The following INPP4A variants were observed in gnomAD, a reference collection of about 807,000 sequenced individuals.
INPP4A encodes inositol polyphosphate-4-phosphatase, type I, 107kD.
A neutral mutation model predicts 119.8 loss-of-function variants in INPP4A; 33 were observed. The ratio of observed to expected loss-of-function variants is 0.28; its 90% CI spans 0.21 to 0.37. INPP4A has a LOEUF of 0.37. Among genes scored for constraint, INPP4A ranks in the 10% least tolerant of loss-of-function variants. The pLI, the probability that INPP4A is intolerant of heterozygous loss-of-function variation, is 1.00. For synonymous variants in INPP4A, 496 were observed against 500.7 expected, an observed-to-expected ratio of 0.99 and a Z score of 0.12; for missense variants, 956 against 1,289.9, an observed-to-expected ratio of 0.74 and a Z score of 3.97.
chr2:98,445,582 C>G (rs1397332903), intron 1 of INPP4A, among the ~76,000 whole-genome samples: 1 of 152,254 alleles, frequency 6.6e-6, no homozygotes, highest in African/African-American at 2.4e-5. Flanking sequence ...TTATTTCTCT[C>G]TGGCTTTGCT....
Position 98,554,546 on chromosome 2 carries a change from A to T in INPP4A, c.1566+57A>T. On this transcript the variant is annotated intron_variant, in intron 15 of 24. Coordinates refer to ENST00000409851, the MANE Select transcript of INPP4A (RefSeq NM_001134225.2). This position sits in a 1 kb window ranked among gnomAD's most constrained non-coding sequence, Gnocchi z 4.7. Reference sequence around the variant, plus strand: ...GCTGAACTTGGGCTGAAAACCACAAAACCTGTTGCCAGTCTCTGCCCCTCT... The same window carrying T: ...GCTGAACTTGGGCTGAAAACCACAATACCTGTTGCCAGTCTCTGCCCCTCT... 1 of 1,481,930 alleles carries T rather than the reference A, an allele frequency of 6.7e-7. No homozygotes were observed. The highest frequency in any genetic ancestry group is 1.9e-5 in the Admixed American group (1 of 53,638). The allele number at this position is 1,481,930 out of a possible 1,614,324, so 91.8% of individuals were successfully genotyped here.
Position 98,594,071 on chromosome 2 carries a change from G to A in INPP4A, c.*6463G>A, listed in dbSNP as rs1431206176. 2.6e-5 allele frequency: 4 copies of A among 152,242 alleles called. No individual in the cohort carries two copies. Among genetic ancestry groups the A allele is most frequent in the African/African-American group, 9.6e-5 (4 of 41,454 alleles). The allele number at this position is 152,242 out of a possible 1,614,324, so 9.4% of individuals were successfully genotyped here. A position where few individuals can be genotyped will look rare whatever the true frequency, so the allele number is the denominator to read the frequency against. On this transcript the variant is annotated 3_prime_UTR_variant, in exon 25 of 25. Transcript: ENST00000409851. ...TGAATAAACACATGAACAAATGGTG[G>A]TTTTGTGGTGTTCAACTGAAATATT...
At chr2:98,484,661 C>G (rs1190794875) in intron 1 of INPP4A, among the ~76,000 whole-genome samples, 6 of 152,226 alleles carry the variant, frequency 3.9e-5, no homozygotes, top group Admixed American at 3.9e-4. Flanking sequence ...AGGAAGAAAA[C>G]CAGAAAAGCA....
At chr2:98,510,757 G>A (rs928113859) in intron 1 of INPP4A, among the ~76,000 whole-genome samples, 4 of 152,196 alleles carry the variant, frequency 2.6e-5, no homozygotes, top group Non-Finnish European at 5.9e-5. Flanking sequence ...GTAGCACAGT[G>A]ACTGACTCCC....
intron 24 of INPP4A, chr2:98,581,462 CTT>C: frequency 2.9e-6 from 3 of 1,031,780 alleles, no homozygotes; most frequent in Non-Finnish European, 4.0e-6. Context: ...TTTTGTTTCT[CTT>C]GTTTATCCCA....
At chr2:98,553,254 ATACAG>A (rs1693861653) in intron 14 of INPP4A, among the ~76,000 whole-genome samples, 1 of 151,758 alleles carries the variant, frequency 6.6e-6, no homozygotes, top group Non-Finnish European at 1.5e-5. Flanking sequence ...GTTGAGGGTG[ATACAG>A]TTCCACTTCT....
chr2:98,587,700 G>T lies in INPP4A; in HGVS notation c.*92G>T. On this transcript the variant is annotated 3_prime_UTR_variant, in exon 25 of 25. Transcript: ENST00000409851. Reference sequence around the variant, plus strand: ...TTCTTCAAGAAGACCTGAAGGATTGGTTTTTATTTTTTGTGGTTTTTTTAA... The same window carrying T: ...TTCTTCAAGAAGACCTGAAGGATTGTTTTTTATTTTTTGTGGTTTTTTTAA... 1.9e-6 allele frequency: 2 copies of T among 1,050,672 alleles called. No homozygotes were observed. The highest frequency in any genetic ancestry group is 3.5e-5 in the South Asian group (2 of 57,378). The allele number at this position is 1,050,672 out of a possible 1,614,324, so 65.1% of individuals were successfully genotyped here.
At chr2:98,448,046 CAAAAAAAAAA>C in intron 1 of INPP4A, among the ~76,000 whole-genome samples, 1 of 64,202 alleles carries the variant, frequency 1.6e-5, no homozygotes, top group Non-Finnish European at 3.1e-5. Context: ...GACTCTGTCT[CAAAAAAAAAA>C]AAAAAAAAAA....
At position 98,475,164 on chromosome 2, in the gene INPP4A, G is replaced by A. The variant is rs1323705762; in HGVS notation, c.-166+30079G>A. ...CAGGAGGGGCACTCTTAAGTGGAGCGGACAGCTGAGCAAAGGCATAGAGAG... is the reference window on the plus strand; with the variant it reads ...CAGGAGGGGCACTCTTAAGTGGAGCAGACAGCTGAGCAAAGGCATAGAGAG... On this transcript the variant is annotated intron_variant, in intron 1 of 24. Transcript: ENST00000409851. 2.6e-5 allele frequency among the ~76,000 whole-genome samples: 4 copies of A among 152,082 alleles called. No individual in the cohort carries two copies. The East Asian group carries it at 7.7e-4, about 29-fold the overall frequency.
chr2:98,482,266 T>A (rs1208649320), intron 1 of INPP4A, among the ~76,000 whole-genome samples: 2 of 152,242 alleles, frequency 1.3e-5, no homozygotes, highest in Non-Finnish European at 2.9e-5. Context: ...GTTCCCACAT[T>A]ATTGGGCTGA....
chr2:98,590,158 G>A lies in INPP4A; in HGVS notation c.*2550G>A, dbSNP rs991242391. The A allele has an allele frequency of 1.0e-5, 2 of 200,896 alleles. No homozygotes were observed. Among genetic ancestry groups the A allele is most frequent in the African/African-American group, 4.6e-5 (2 of 43,546 alleles). The allele number at this position is 200,896 out of a possible 1,614,324, so 12.4% of individuals were successfully genotyped here. On this transcript the variant is annotated 3_prime_UTR_variant, in exon 25 of 25. Coordinates refer to ENST00000409851, the MANE Select transcript of INPP4A (RefSeq NM_001134225.2). ...ATAAATAACTGACAAGATATTAAATGTGGTCTTGCCTGATTCATCCTATTA... is the reference window on the plus strand; with the variant it reads ...ATAAATAACTGACAAGATATTAAATATGGTCTTGCCTGATTCATCCTATTA...
chr2:98,576,933 G>C, intron 23 of INPP4A, 56 bp from the exon 24 acceptor site: 1 of 1,575,664 alleles, frequency 6.3e-7, no homozygotes, highest in Non-Finnish European at 8.7e-7. Context: ...TGTGTGAAGG[G>C]TGCTGCCTTT....
intron 1 of INPP4A, among the ~76,000 whole-genome samples, chr2:98,490,950 ACATTTTAATGATAG>A (rs960145873): frequency 1.4e-4 from 21 of 152,220 alleles, no homozygotes; most frequent in Non-Finnish European, 1.6e-4. Flanking sequence ...AAGAAAATAA[ACATTTTAATGATAG>A]CATTTTAATT....
intron 1 of INPP4A, among the ~76,000 whole-genome samples, chr2:98,482,835 T>C (rs533760287): frequency 7.9e-5 from 12 of 151,822 alleles, no homozygotes; most frequent in African/African-American, 2.9e-4. Context: ...ATAATAGAGG[T>C]TGAACATCCC....
At chr2:98,454,112 A>G (rs980251085) in intron 1 of INPP4A, among the ~76,000 whole-genome samples, 1 of 152,160 alleles carries the variant, frequency 6.6e-6, no homozygotes, top group African/African-American at 2.4e-5. Context: ...CTCTCAAAAA[A>G]AAATTTAACT....
chr2:98,561,244 A>G (rs1447435448), intron 17 of INPP4A, among the ~76,000 whole-genome samples: 1 of 152,216 alleles, frequency 6.6e-6, no homozygotes, highest in Non-Finnish European at 1.5e-5. Flanking sequence ...GGAGTTTTCT[A>G]CAAAAACGTG....
chr2:98,509,953 G>A (rs1251706884), intron 1 of INPP4A, among the ~76,000 whole-genome samples: 1 of 152,192 alleles, frequency 6.6e-6, no homozygotes, highest in African/African-American at 2.4e-5. Context: ...TGCCTGCCTT[G>A]TTATCTGAGG....
intron 24 of INPP4A, among the ~76,000 whole-genome samples, chr2:98,578,514 A>G (rs982040735): frequency 2.0e-5 from 3 of 152,198 alleles, no homozygotes; most frequent in African/African-American, 4.8e-5. Context: ...AACGGAAACA[A>G]TTCATTCTGA....
intron 1 of INPP4A, among the ~76,000 whole-genome samples, chr2:98,454,174 A>G (rs940953140): frequency 6.6e-5 from 10 of 152,174 alleles, no homozygotes; most frequent in African/African-American, 2.4e-4. Flanking sequence ...ATATTTCTAC[A>G]TAAGAGAGAG....
Sources: gnomAD v4.1 joint callset for allele counts (sites outside exome capture counted in the v4.1 genomes callset) on GRCh38, gnomAD v4.1.1 for gene constraint, Gnocchi (gnomAD v3.1) non-coding constraint, MANE v1.5 for transcripts, NCBI Gene and HGNC (gene_info 2026-07-23, HGNC 2026-07-21) for gene names.